CYP4F8: variants seen among roughly 807,000 people sequenced by gnomAD.
The protein encoded by CYP4F8 is cytochrome P450 family 4 subfamily F member 8, also known as cytochrome P450 4F8.
CYP4F8 carries 56 observed loss-of-function variants against 55.0 expected under a neutral mutation model. That is an observed-to-expected ratio of 1.02 (90% CI 0.82 to 1.27). CYP4F8 has a LOEUF of 1.27. CYP4F8 is among the 50% of genes most tolerant of loss of function. CYP4F8 has a pLI of 0.00. For synonymous variants in CYP4F8, 288 were observed against 267.3 expected (o/e 1.08, Z -0.76); for missense variants, 680 against 682.4 (o/e 1.00, Z 0.04).
Position 15,628,298 on chromosome 19 carries a change from T to G in CYP4F8, c.1116-4T>G. On this transcript the variant is annotated splice_region_variant and splice_polypyrimidine_tract_variant and intron_variant, in intron 9 of 12. Transcript: ENST00000612078. ...CTCTGGATAATTGTTGGGTGTTTCCTTAGGGACGACCTGGCCCAGTTGCCC... is the reference window on the plus strand; with the variant it reads ...CTCTGGATAATTGTTGGGTGTTTCCGTAGGGACGACCTGGCCCAGTTGCCC... 1 of 1,614,030 alleles carries G rather than the reference T, an allele frequency of 6.2e-7. No individual in the cohort carries two copies. The highest frequency in any genetic ancestry group is 8.5e-7 in the Non-Finnish European group (1 of 1,179,976).
Position 15,629,242 on chromosome 19 carries a change from G to A in CYP4F8, c.1447G>A (p.Ala483Thr). 2 of 1,613,240 alleles carry A rather than the reference G, an allele frequency of 1.2e-6. No individual in the cohort carries two copies. The highest frequency in any genetic ancestry group is 1.7e-6 in the Non-Finnish European group (2 of 1,179,670). The stretch of plus-strand genomic sequence containing the variant: ...GATGGCAGAGATGAAGGTGGTCCTG[G>A]CGCTCACGCTGCTGCGCTTCCGCAT... ...FAMAEMKVVL[A>T]LTLLRFRILP... Residue 483 changes from alanine to threonine, a missense_variant, in exon 13 of 13, where the codon GCG becomes ACG. Ala to Thr is a moderately conservative substitution (Grantham distance 58). Transcript: ENST00000612078.
intron 9 of CYP4F8, among the ~76,000 whole-genome samples, chr19:15,625,038 T>C (rs1159953911): frequency 6.6e-6 from 1 of 152,044 alleles, no homozygotes; most frequent in African/African-American, 2.4e-5. Context: ...AATTTATTAA[T>C]TTTTTCTTTT....
In CYP4F8 at chr19:15,615,745, C is replaced by CAA; in HGVS notation, c.130_131dup (p.Asn44LysfsTer32). The CAA allele has an allele frequency of 6.2e-7, 1 of 1,614,080 alleles. No individual in the cohort carries two copies. Among genetic ancestry groups the CAA allele is most frequent in the Non-Finnish European group, 8.5e-7 (1 of 1,179,982 alleles). ...TGGCCTGGACCTATGCCTTCTATCA[C>CAA]AACGGCCGCCGCCTCCGGTGTTTCC... On this transcript the variant is annotated frameshift_variant, in exon 2 of 13. Coordinates refer to ENST00000612078, the MANE Select transcript of CYP4F8 (RefSeq NM_007253.4). LOFTEE classifies it high-confidence loss of function.
At chr19:15,619,207 C>A in intron 3 of CYP4F8, 1 of 402,268 alleles carries the variant, frequency 2.5e-6, no homozygotes, top group South Asian at 3.6e-5. Flanking sequence ...TTGACTTATG[C>A]TTGGGTGTTG....
In CYP4F8 at chr19:15,622,380, G is replaced by T. The variant is rs771818284; in HGVS notation, c.647+40G>T. 6.9e-5 allele frequency: 110 copies of T among 1,594,318 alleles called. 3 individuals carry two copies. The highest frequency in any genetic ancestry group is 2.2e-4 in the Middle Eastern group (1 of 4,500). ...AGGGCCTGGGAACATGGGATGGAGTGGGGGTGTGGGTGTGGGGAGAGCAAA... is the reference window on the plus strand; with the variant it reads ...AGGGCCTGGGAACATGGGATGGAGTTGGGGTGTGGGTGTGGGGAGAGCAAA... On this transcript the variant is annotated intron_variant, in intron 6 of 12. Coordinates refer to ENST00000612078, the MANE Select transcript of CYP4F8 (RefSeq NM_007253.4).
At chr19:15,629,001 G>A (rs569850369) in intron 12 of CYP4F8, among the ~76,000 whole-genome samples, 158 bp downstream of exon 12, 1 of 152,276 alleles carries the variant, frequency 6.6e-6, no homozygotes, top group African/African-American at 2.4e-5. Context: ...GCCCCGTCTG[G>A]TTTCAGTTGG....
In CYP4F8 at chr19:15,629,393, A is replaced by C. The variant is rs769126536; in HGVS notation, c.*35A>C. On this transcript the variant is annotated 3_prime_UTR_variant, in exon 13 of 13. Coordinates refer to ENST00000612078, the MANE Select transcript of CYP4F8 (RefSeq NM_007253.4). ...TGACCCACCCACCTACCTTTGCATC[A>C]CCTACCTTTGCACCAACTACCTTTT... 10 of 1,565,250 alleles carry C rather than the reference A, an allele frequency of 6.4e-6. No individual in the cohort carries two copies. The highest frequency in any genetic ancestry group is 8.7e-6 in the Non-Finnish European group (10 of 1,155,676).
At chr19:15,617,343 T>C (rs1288821624) in intron 2 of CYP4F8, among the ~76,000 whole-genome samples, 1 of 152,184 alleles carries the variant, frequency 6.6e-6, no homozygotes, top group Admixed American at 6.5e-5. Context: ...AGATTACCCC[T>C]ATGTGCGCAG....
At position 15,623,425 on chromosome 19, in the gene CYP4F8, C is replaced by G. The variant is rs1397479100; in HGVS notation, c.918+50C>G. On this transcript the variant is annotated intron_variant, in intron 7 of 12. Coordinates refer to ENST00000612078, the MANE Select transcript of CYP4F8 (RefSeq NM_007253.4). ...CAAGAGGTAAAATGGAGCTTCAGGTCAAATGTCAGATTGAAGGACCGGACT... is the reference window on the plus strand; with the variant it reads ...CAAGAGGTAAAATGGAGCTTCAGGTGAAATGTCAGATTGAAGGACCGGACT... 7 of 1,599,324 alleles carry G rather than the reference C, an allele frequency of 4.4e-6. 1 individual carries two copies. The Admixed American group carries it at 1.2e-4, about 27-fold the overall frequency.
At chr19:15,616,536 A>G (rs770624165) in intron 2 of CYP4F8, among the ~76,000 whole-genome samples, 9 of 152,038 alleles carry the variant, frequency 5.9e-5, no homozygotes, top group Non-Finnish European at 1.3e-4. Flanking sequence ...ACTGTCTAGA[A>G]CCCACTTTCT....
Position 15,623,256 on chromosome 19 carries a change from A to G in CYP4F8, c.799A>G (p.Thr267Ala). ...GGCCTGCAGACTGGTGCACGACTTC[A>G]CAGATGCCGTCATCCAGGAGCGGCG... ...HRACRLVHDF[T>A]DAVIQERRRT... Residue 267 changes from threonine (T) to alanine (A), a missense_variant, in exon 7 of 13, where the codon ACA (threonine) becomes GCA (alanine). Thr to Ala is a moderately conservative substitution (Grantham distance 58, BLOSUM62 0). Coordinates refer to ENST00000612078, the MANE Select transcript of CYP4F8 (RefSeq NM_007253.4). 1.2e-6 allele frequency: 2 copies of G among 1,613,924 alleles called. No individual in the cohort carries two copies. The highest frequency in any genetic ancestry group is 1.7e-6 in the Non-Finnish European group (2 of 1,179,980).
At chr19:15,622,061 C>T (rs1294100962) in intron 5 of CYP4F8, 158 bp from the exon 6 acceptor site, 34 of 930,934 alleles carry the variant, frequency 3.7e-5, no homozygotes, top group Non-Finnish European at 4.2e-5. Flanking sequence ...ATAGTAACAG[C>T]TTCCACTCTC....
At chr19:15,622,438 G>C in intron 6 of CYP4F8, 98 bp downstream of exon 6, 1 of 1,520,346 alleles carries the variant, frequency 6.6e-7, no homozygotes, top group Admixed American at 2.1e-5. Flanking sequence ...TTCCTGGAGA[G>C]ATGATGAGAA....
At chr19:15,621,969 G>A (rs535960003) in intron 5 of CYP4F8, 17 of 398,964 alleles carry the variant, frequency 4.3e-5, no homozygotes, top group African/African-American at 2.7e-4. Flanking sequence ...ACCTAGAGGA[G>A]GGCTGTGAGT....
chr19:15,616,313 T>TCTCACTCATTCCTCTCCTC (rs1568381015), intron 2 of CYP4F8, among the ~76,000 whole-genome samples: 1 of 140,606 alleles, frequency 7.1e-6, no homozygotes, highest in East Asian at 2.2e-4. Context: ...TTCCTCTCCT[T>TCTCACTCATTCCTCTCCTC]GCTCACTCAT....
intron 9 of CYP4F8, among the ~76,000 whole-genome samples, chr19:15,625,848 C>G (rs765066305): frequency 3.9e-5 from 6 of 152,204 alleles, no homozygotes; most frequent in Non-Finnish European, 7.3e-5. Flanking sequence ...CCTTCCAGCT[C>G]TCCATCAGTA....
intron 3 of CYP4F8, chr19:15,619,240 G>A (rs1248408856): frequency 4.1e-6 from 2 of 492,698 alleles, no homozygotes; most frequent in Non-Finnish European, 7.3e-6. Context: ...GACCATGTAG[G>A]AGCCATGTCA....
chr19:15,619,908 T>G, intron 5 of CYP4F8, 146 bp downstream of exon 5: 1 of 1,094,936 alleles, frequency 9.1e-7, no homozygotes, highest in Non-Finnish European at 1.3e-6. Flanking sequence ...AGGCTAATAA[T>G]CCTCACTAAA....
intron 5 of CYP4F8, chr19:15,621,580 G>A (rs1488174036): frequency 6.8e-6 from 1 of 147,980 alleles, no homozygotes; most frequent in East Asian, 1.9e-4. Context: ...AAACTTCAGA[G>A]TTTTGCATTC....
Sources: gnomAD v4.1 joint callset for allele counts (sites outside exome capture counted in the v4.1 genomes callset) on GRCh38, gnomAD v4.1.1 for gene constraint, MANE v1.5 for transcripts, NCBI Gene and HGNC (gene_info 2026-07-23, HGNC 2026-07-21) for gene names.